Variants in RBCK1 observed in about 807,000 individuals in gnomAD.
RBCK1 encodes the protein ranBP-type and C3HC4-type zinc finger-containing protein 1.
A neutral mutation model predicts 71.1 loss-of-function variants in RBCK1; 44 were observed. The ratio of observed to expected loss-of-function variants is 0.62; its 90% CI spans 0.49 to 0.80. The LOEUF (loss-of-function observed/expected upper bound fraction) is 0.80. RBCK1 is among the 30% of genes least tolerant of loss of function. The probability of loss-of-function intolerance (pLI) is 0.00; values close to 1 mark genes in which losing one functional copy is unlikely to be tolerated. For missense variants in RBCK1, 569 were observed against 685.0 expected (o/e 0.83, Z 1.89); for synonymous variants, 306 against 279.7 (o/e 1.09, Z -0.94).
At chr20:418,044 G>A in intron 4 of RBCK1, 114 bp downstream of exon 4, 1 of 1,081,780 alleles carries the variant, frequency 9.2e-7, no homozygotes. Context: ...TCACCCAGAG[G>A]ACCCTATCCA....
In RBCK1 at chr20:419,628, GGGCGCGCCCCGA is replaced by G. The variant is rs1347664550; in HGVS notation, c.657_668del (p.Arg220_Ala223del). The G allele has an allele frequency of 6.3e-7, 1 of 1,591,834 alleles. No homozygotes were observed. The highest frequency in any genetic ancestry group is 8.5e-7 in the Non-Finnish European group (1 of 1,170,684). ...CGGCCTGGCTGTGAGATGTGCTGCC[GGGCGCGCCCCGA>G]GGCCTACCAGGTCCCCGCCTCATAC... is the stretch of plus-strand genomic sequence containing the variant. On this transcript the variant is annotated inframe_deletion, in exon 6 of 12. Coordinates refer to ENST00000356286, the MANE Select transcript of RBCK1 (RefSeq NM_031229.4).
In RBCK1 at chr20:430,400, T is replaced by C. The variant is rs760320947; in HGVS notation, c.1503T>C (p.Pro501=). ...GCCGCTGCAGGGTAAATGGGATTCC[T>C]TGCCACCCAAGCTGTCAGAACTGCC... ...GGCRCRVNGI[P]CHPSCQNCH Residue 501 remains proline, a synonymous_variant, in exon 12 of 12, where the codon CCT becomes CCC. Coordinates refer to ENST00000356286, the MANE Select transcript of RBCK1 (RefSeq NM_031229.4). The surrounding 1 kb of genome is among the most constrained non-coding windows in gnomAD (Gnocchi z 5.6). The C allele has an allele frequency of 6.2e-6, 10 of 1,613,574 alleles. No homozygotes were observed. In the South Asian group the frequency reaches 8.8e-5, roughly 14 times the overall value.
intron 2 of RBCK1, chr20:410,734 A>G: frequency 1.8e-6 from 1 of 562,968 alleles, no homozygotes; most frequent in Non-Finnish European, 3.2e-6. Context: ...CGTGTTATGC[A>G]CTCAATAATA....
Position 419,163 on chromosome 20 carries a change from A to G in RBCK1, c.461-184A>G, listed in dbSNP as rs564497908. On this transcript the variant is annotated intron_variant, in intron 4 of 11. Transcript: ENST00000356286. The stretch of plus-strand genomic sequence containing the variant: ...AGGACATAGAAGCATTTATCGGTGG[A>G]ATAGGGACCCTGACCCTGGGGGAGC... Among the ~76,000 whole-genome samples the G allele has an allele frequency of 1.4e-3, 215 of 152,198 alleles. No individual in the cohort carries two copies. The Middle Eastern group carries it at 0.024, about 17-fold the overall frequency.
intron 1 of RBCK1, 56 bp from the exon 2 acceptor site, chr20:409,825 C>CT: frequency 6.3e-7 from 1 of 1,578,952 alleles, no homozygotes; most frequent in East Asian, 2.3e-5. Context: ...CCCCATTACT[C>CT]TCAGCTCCTG....
intron 6 of RBCK1, chr20:420,178 C>T: frequency 1.0e-6 from 1 of 985,246 alleles, no homozygotes; most frequent in Non-Finnish European, 1.2e-6. Context: ...CTCCTGACCT[C>T]TTCCCTCTCG....
chr20:412,267 T>C (rs1207074830), intron 2 of RBCK1, among the ~76,000 whole-genome samples: 1 of 152,196 alleles, frequency 6.6e-6, no homozygotes, highest in African/African-American at 2.4e-5. Context: ...TTCATGCACA[T>C]ATTTTCTTTG....
rs759935899 is a variant in RBCK1 at position 431,892 on chromosome 20, C to T, written c.*1462C>T. On this transcript the variant is annotated 3_prime_UTR_variant, in exon 12 of 12. Transcript: ENST00000356286. This position sits in a 1 kb window ranked among gnomAD's most constrained non-coding sequence, Gnocchi z 4.8. ...AAGCAGAGGAGAGCCAGGCTGCAGG[C>T]GTGTGGATGGGACCAGCTCAGGCAG... is the stretch of plus-strand genomic sequence containing the variant. 2.0e-5 allele frequency among the ~76,000 whole-genome samples: 3 copies of T among 152,156 alleles called. No individual in the cohort carries two copies. Among genetic ancestry groups the T allele is most frequent in the Admixed American group, 6.5e-5 (1 of 15,268 alleles).
chr20:422,137 C>T lies in RBCK1; in HGVS notation c.928C>T (p.Gln310Ter). The T allele has an allele frequency of 6.2e-7, 1 of 1,611,978 alleles. No individual in the cohort carries two copies. The highest frequency in any genetic ancestry group is 8.5e-7 in the Non-Finnish European group (1 of 1,179,628). Residue 310 changes from glutamine (Q) to a stop codon, truncating the protein, a stop_gained, in exon 8 of 12, where the codon CAG (glutamine) becomes TAG (stop). Coordinates refer to ENST00000356286, the MANE Select transcript of RBCK1 (RefSeq NM_031229.4). LOFTEE classifies it high-confidence loss of function. This position sits in a 1 kb window ranked among gnomAD's most constrained non-coding sequence, Gnocchi z 5.0. ...CCTCCCCTCCCCTAGGGAGTGCCTG[C>T]AGGGCACCATCCGCAACAGCCAGGA... is the stretch of plus-strand genomic sequence containing the variant. ...CLHTFCRECL[Q>*]GTIRNSQEAE...
At position 417,092 on chromosome 20, in the gene RBCK1, TGTAAAA is replaced by T; in HGVS notation, c.168-433_168-428del. The T allele has an allele frequency of 2.4e-6, 1 of 412,720 alleles. No homozygotes were observed. Among genetic ancestry groups the T allele is most frequent in the Admixed American group, 2.8e-5 (1 of 35,876 alleles). The allele number at this position is 412,720 out of a possible 1,614,324, so 25.6% of individuals were successfully genotyped here. A position where few individuals can be genotyped will look rare whatever the true frequency, so the allele number is the denominator to read the frequency against. The stretch of plus-strand genomic sequence containing the variant: ...CCTATCTGTGCCTCACATTTTTATC[TGTAAAA>T]CAGGGATACAGCAGTACCTGTCTGA... On this transcript the variant is annotated intron_variant, in intron 2 of 11. Transcript: ENST00000356286. This position sits in a 1 kb window ranked among gnomAD's most constrained non-coding sequence, Gnocchi z 4.7.
chr20:420,228 A>C (rs35073025), intron 6 of RBCK1: 383,926 of 984,160 alleles, frequency 0.39, 75,726 homozygotes, highest in Middle Eastern at 0.41. Context: ...CCTGGCCTGG[A>C]CCCTCGCTGC....
In RBCK1 at chr20:430,586, T is replaced by G; in HGVS notation, c.*156T>G. ...CACGGTCACATCTGCCCCAGTGCCT[T>G]TGTCCTTCCCTTGGGGCTTGCCGGC... On this transcript the variant is annotated 3_prime_UTR_variant, in exon 12 of 12. Coordinates refer to ENST00000356286, the MANE Select transcript of RBCK1 (RefSeq NM_031229.4). This position sits in a 1 kb window ranked among gnomAD's most constrained non-coding sequence, Gnocchi z 5.6. The G allele has an allele frequency of 1.4e-6, 1 of 717,114 alleles. No individual in the cohort carries two copies. Among genetic ancestry groups the G allele is most frequent in the Non-Finnish European group, 2.3e-6 (1 of 426,256 alleles). The allele number at this position is 717,114 out of a possible 1,614,324, so 44.4% of individuals were successfully genotyped here.
In RBCK1 at chr20:417,561, C is replaced by T. The variant is rs753472058; in HGVS notation, c.203C>T (p.Thr68Ile). 27 of 1,613,942 alleles carry T rather than the reference C, an allele frequency of 1.7e-5. No individual in the cohort carries two copies. The highest frequency in any genetic ancestry group is 2.1e-5 in the Non-Finnish European group (25 of 1,180,028). Residue 68 changes from threonine (T) to isoleucine (I), a missense_variant, in exon 3 of 12, where the codon ACC (threonine) becomes ATC (isoleucine). Around this residue, in one of 2 missense-constraint regions of RBCK1, gnomAD observed 358 missense variants for 375.6 expected, o/e 0.95. Transcript: ENST00000356286. The surrounding 1 kb of genome is among the most constrained non-coding windows in gnomAD (Gnocchi z 4.7). ...AGCGTGGAGGATGCTCAGATGCACA[C>T]CGTCACCATCTGGCTCACAGTGCGC... ...WVSVEDAQMH[T>I]VTIWLTVRPD...
Position 430,482 on chromosome 20 carries a change from T to C in RBCK1, c.*52T>C. The C allele has an allele frequency of 1.3e-6, 2 of 1,526,758 alleles. No individual in the cohort carries two copies. The highest frequency in any genetic ancestry group is 1.8e-6 in the Non-Finnish European group (2 of 1,101,130). 94.6% of individuals were successfully genotyped at this position (1,526,758 alleles called of 1,614,324 possible). On this transcript the variant is annotated 3_prime_UTR_variant, in exon 12 of 12. Transcript: ENST00000356286. The surrounding 1 kb of genome is among the most constrained non-coding windows in gnomAD (Gnocchi z 5.6). ...ACCCAGCCCCACATCCACATTCTGTTAGAATGTAGCTCAGGGAGCTTCGTG... is the reference window on the plus strand; with the variant it reads ...ACCCAGCCCCACATCCACATTCTGTCAGAATGTAGCTCAGGGAGCTTCGTG...
chr20:415,752 A>G (rs2015945189), intron 2 of RBCK1, among the ~76,000 whole-genome samples: 1 of 152,140 alleles, frequency 6.6e-6, no homozygotes, highest in South Asian at 2.1e-4. Context: ...GGTTTAATTG[A>G]CTCAGTTCTG....
chr20:416,952 G>A (rs2016025014), intron 2 of RBCK1, among the ~76,000 whole-genome samples: 1 of 152,150 alleles, frequency 6.6e-6, no homozygotes, highest in South Asian at 2.1e-4. Flanking sequence ...TAGCACTACT[G>A]CACTCCAGCC....
chr20:425,623 A>ATTTTTTT lies in RBCK1; in HGVS notation c.1030-1688_1030-1687insTTTTTTT, dbSNP rs200677519. The stretch of plus-strand genomic sequence containing the variant: ...CTTCAAGGAATGTTTTGCATGGTGT[A>ATTTTTTT]TTCTTTTTTTTTTTTTTTTTTGAGA... On this transcript the variant is annotated intron_variant, in intron 8 of 11. Transcript: ENST00000356286. Among the ~76,000 whole-genome samples, 147 of 129,928 alleles carry ATTTTTTT rather than the reference A, an allele frequency of 1.1e-3. 4 individuals carry two copies. The highest frequency in any genetic ancestry group is 1.7e-3 in the African/African-American group (57 of 34,432). The allele number at this position is 129,928 out of a possible 152,430, so 85.2% of individuals were successfully genotyped here. A position where few individuals can be genotyped will look rare whatever the true frequency, so the allele number is the denominator to read the frequency against.
Position 430,904 on chromosome 20 carries a change from G to A in RBCK1, c.*474G>A, listed in dbSNP as rs75697241. ...TTTGAAAGCACAGCCCGTCAGGTCC[G>A]GCTCTGCGTCTCCCTCTCTGCAGCC... is the stretch of plus-strand genomic sequence containing the variant. On this transcript the variant is annotated 3_prime_UTR_variant, in exon 12 of 12. Transcript: ENST00000356286. This position sits in a 1 kb window ranked among gnomAD's most constrained non-coding sequence, Gnocchi z 5.6. 1,846 of 163,518 alleles carry A rather than the reference G, an allele frequency of 0.011. 41 individuals carry two copies. The highest frequency in any genetic ancestry group is 0.041 in the African/African-American group (1,732 of 41,746). 10.1% of individuals were successfully genotyped at this position (163,518 alleles called of 1,614,324 possible). A position where few individuals can be genotyped will look rare whatever the true frequency, so the allele number is the denominator to read the frequency against.
chr20:413,491 T>G (rs983921799), intron 2 of RBCK1, among the ~76,000 whole-genome samples: 1 of 152,224 alleles, frequency 6.6e-6, no homozygotes, highest in Non-Finnish European at 1.5e-5. Context: ...CTTCCACCTT[T>G]CCTTTTCCTT....
Sources: allele counts gnomAD v4.1 joint callset (sites outside exome capture counted in the v4.1 genomes callset), GRCh38; gene constraint gnomAD v4.1.1; regional missense constraint gnomAD v4.1.1; non-coding constraint Gnocchi (gnomAD v3.1); transcripts MANE v1.5; gene names NCBI Gene and HGNC (gene_info 2026-07-23, HGNC 2026-07-21).